SEMA6D: variants seen among roughly 807,000 people sequenced by gnomAD.
The protein encoded by SEMA6D is semaphorin 6D, also known as semaphorin-6D.
Under a neutral mutation model 106.6 loss-of-function variants are expected in SEMA6D, and 35 were observed. That is an observed-to-expected ratio of 0.33 (90% CI 0.25 to 0.44). The LOEUF (loss-of-function observed/expected upper bound fraction) is 0.44. SEMA6D is among the 20% of genes least tolerant of loss of function. SEMA6D has a pLI of 1.00. For synonymous variants in SEMA6D, 499 were observed against 487.7 expected (o/e 1.02, Z -0.31); for missense variants, 1,185 against 1,345.9 (o/e 0.88, Z 1.87).
intron 1 of SEMA6D, among the ~76,000 whole-genome samples, chr15:47,409,623 G>C (rs1479865189): frequency 6.6e-6 from 1 of 152,166 alleles, no homozygotes; most frequent in Non-Finnish European, 1.5e-5. Context: ...AAAATATTCA[G>C]ATTTTTCTAA....
chr15:47,552,891 A>AATATATATATATTTATATAT lies in SEMA6D; in HGVS notation c.-86-47962_-86-47961insTTATATATATATATATATAT, dbSNP rs71118186. On this transcript the variant is annotated intron_variant, in intron 3 of 19. Transcript: ENST00000558014. ...TTTTATATATATATAAATATATATAAATATATATATATATAAATATATATA... is the reference window on the plus strand; with the variant it reads ...TTTTATATATATATAAATATATATAAATATATATATATTTATATATATATATATATATATAAATATATATA... 1.3e-3 allele frequency among the ~76,000 whole-genome samples: 46 copies of AATATATATATATTTATATAT among 35,290 alleles called. 2 individuals carry two copies. The highest frequency in any genetic ancestry group is 3.5e-3 in the South Asian group (5 of 1,414). 23.2% of individuals were successfully genotyped at this position (35,290 alleles called of 152,430 possible).
Position 47,771,847 on chromosome 15 carries a change from G to T in SEMA6D, c.*62G>T. ...TCCGTGTTGTTGAGAGGATGATGTT[G>T]TAAGGGTACCTTAAAACAAGAGACT... On this transcript the variant is annotated 3_prime_UTR_variant, in exon 19 of 19. Transcript: ENST00000536845. 5 of 1,455,018 alleles carry T rather than the reference G, an allele frequency of 3.4e-6. No individual in the cohort carries two copies. The highest frequency in any genetic ancestry group is 2.6e-5 in the South Asian group (2 of 77,058). The allele number at this position is 1,455,018 out of a possible 1,614,324, so 90.1% of individuals were successfully genotyped here. A position where few individuals can be genotyped will look rare whatever the true frequency, so the allele number is the denominator to read the frequency against.
intron 1 of SEMA6D, among the ~76,000 whole-genome samples, chr15:47,218,960 C>G (rs1187808918): frequency 6.6e-6 from 1 of 152,202 alleles, no homozygotes; most frequent in African/African-American, 2.4e-5. Flanking sequence ...CGATTGCTAA[C>G]TAATTGAGGT....
At chr15:47,211,468 C>T (rs917144399) in intron 1 of SEMA6D, among the ~76,000 whole-genome samples, 1 of 152,086 alleles carries the variant, frequency 6.6e-6, no homozygotes, top group Non-Finnish European at 1.5e-5. Flanking sequence ...AGTATATTTC[C>T]AATAATGTAT....
chr15:47,760,964 C>T lies in SEMA6D; in HGVS notation c.222-14C>T, dbSNP rs745688559. On this transcript the variant is annotated splice_polypyrimidine_tract_variant and intron_variant, in intron 3 of 18. Transcript: ENST00000536845. ...GTATTCACGTGATATGTTTTATTGC[C>T]TTATTTCCAACAGGGATCAAGTTTA... is the stretch of plus-strand genomic sequence containing the variant. 4.4e-6 allele frequency: 7 copies of T among 1,608,896 alleles called. No homozygotes were observed. In the Admixed American group the frequency reaches 1.2e-4, roughly 27 times the overall value.
chr15:47,770,123 G>A (rs1262314935), intron 18 of SEMA6D, among the ~76,000 whole-genome samples: 1 of 152,138 alleles, frequency 6.6e-6, no homozygotes, highest in Non-Finnish European at 1.5e-5. Context: ...TGAATTAAGA[G>A]AAAATTATGA....
chr15:47,465,514 AC>A (rs2042631980), intron 2 of SEMA6D, among the ~76,000 whole-genome samples: 1 of 152,146 alleles, frequency 6.6e-6, no homozygotes, highest in African/African-American at 2.4e-5. Flanking sequence ...TTGTGTCCCC[AC>A]CCAAATCTCA....
intron 3 of SEMA6D, among the ~76,000 whole-genome samples, chr15:47,486,058 A>G (rs2043287714): frequency 6.6e-6 from 1 of 152,320 alleles, no homozygotes; most frequent in Non-Finnish European, 1.5e-5. Context: ...TAATAAAGCC[A>G]AAGTCTGCTA....
At chr15:47,349,946 C>G (rs1250856966) in intron 1 of SEMA6D, among the ~76,000 whole-genome samples, 1 of 152,208 alleles carries the variant, frequency 6.6e-6, no homozygotes, top group East Asian at 1.9e-4. Flanking sequence ...AGGAAATTAA[C>G]TAAATGGGGT....
intron 4 of SEMA6D, among the ~76,000 whole-genome samples, chr15:47,676,558 A>G (rs992659066): frequency 2.0e-5 from 3 of 152,268 alleles, no homozygotes; most frequent in South Asian, 2.1e-4. Flanking sequence ...AATTTCTGCA[A>G]TTTTACGAAT....
chr15:47,646,751 A>G (rs1036336413), intron 4 of SEMA6D, among the ~76,000 whole-genome samples: 3 of 152,246 alleles, frequency 2.0e-5, no homozygotes, highest in African/African-American at 7.2e-5. Context: ...TTGTGTGCAT[A>G]GGACTGGATT....
Position 47,771,097 on chromosome 15 carries a change from A to G in SEMA6D, c.2534A>G (p.Asn845Ser), listed in dbSNP as rs1460787661. Residue 845 changes from asparagine to serine, a missense_variant, in exon 19 of 19, where the codon AAT (asparagine) becomes AGT (serine). Asn to Ser is a conservative substitution (Grantham distance 46). Transcript: ENST00000536845. ...HDYNTSFSNSNAHKAEKKLQN... is the reference protein window; with the variant it reads ...HDYNTSFSNSSAHKAEKKLQN... Reference sequence around the variant, plus strand: ...TACAACACGTCTTTCTCAAACTCCAATGCTCACAAAGCTGAAAAGAAGCTT... The same window carrying G: ...TACAACACGTCTTTCTCAAACTCCAGTGCTCACAAAGCTGAAAAGAAGCTT... 67 of 1,614,004 alleles carry G rather than the reference A, an allele frequency of 4.2e-5. No homozygotes were observed. The highest frequency in any genetic ancestry group is 5.0e-5 in the Non-Finnish European group (59 of 1,180,002).
chr15:47,652,082 T>A (rs2077703133), intron 4 of SEMA6D, among the ~76,000 whole-genome samples: 1 of 152,232 alleles, frequency 6.6e-6, no homozygotes, highest in Non-Finnish European at 1.5e-5. Context: ...ATACATAATA[T>A]ACTGTTCTAC....
intron 3 of SEMA6D, among the ~76,000 whole-genome samples, chr15:47,552,502 ATGTGTGTG>A (rs200725273): frequency 8.1e-6 from 1 of 123,412 alleles, no homozygotes; most frequent in Non-Finnish European, 1.7e-5. Flanking sequence ...GTGTATATAT[ATGTGTGTG>A]TGTATATATA....
chr15:47,544,528 A>T (rs2045457253), intron 3 of SEMA6D, among the ~76,000 whole-genome samples: 1 of 152,146 alleles, frequency 6.6e-6, no homozygotes, highest in South Asian at 2.1e-4. Context: ...AAAATATGGA[A>T]GTATTAGTGC....
chr15:47,473,093 G>A (rs1047940890), intron 3 of SEMA6D, among the ~76,000 whole-genome samples: 7 of 152,176 alleles, frequency 4.6e-5, no homozygotes, highest in Admixed American at 2.0e-4. Flanking sequence ...GTCAGTCTGA[G>A]GAAAAGAAAA....
intron 1 of SEMA6D, among the ~76,000 whole-genome samples, chr15:47,406,896 C>T (rs866995912): frequency 2.0e-5 from 3 of 151,722 alleles, no homozygotes; most frequent in African/African-American, 7.3e-5. Context: ...ACATCGTGTA[C>T]CCTAGATATG....
chr15:47,482,486 C>G (rs1445031284), intron 3 of SEMA6D, among the ~76,000 whole-genome samples: 3 of 152,022 alleles, frequency 2.0e-5, no homozygotes, highest in Admixed American at 6.6e-5. Context: ...AGTAGGCAAG[C>G]CTCATGATAC....
chr15:47,762,238 G>A lies in SEMA6D; in HGVS notation c.577G>A (p.Ala193Thr). The change falls in exon 8 of 19, where the codon GCC becomes ACC. Residue 193 changes from alanine (A) to threonine (T), a missense_variant. Physicochemically the swap from Ala to Thr is moderately conservative, Grantham distance 58 (BLOSUM62 0). This residue lies in a region of SEMA6D where 291 missense variants were observed against 423.8 expected (regional missense o/e 0.69). Coordinates refer to ENST00000536845, the MANE Select transcript of SEMA6D (RefSeq NM_001358351.3). ...TTCTGCCACAGTGGCTGACTTCTTG[G>A]CCAGCGATGCCGTTATTTATCGAAG... ...LYSATVADFL[A>T]SDAVIYRSMG... is the part of the protein sequence containing the mutation. 6.2e-7 allele frequency: 1 copy of A among 1,613,576 alleles called. No individual in the cohort carries two copies. Among genetic ancestry groups the A allele is most frequent in the Non-Finnish European group, 8.5e-7 (1 of 1,179,610 alleles).
Sources: allele counts gnomAD v4.1 joint callset (sites outside exome capture counted in the v4.1 genomes callset), GRCh38; gene constraint gnomAD v4.1.1; regional missense constraint gnomAD v4.1.1; transcripts MANE v1.5; gene names NCBI Gene and HGNC (gene_info 2026-07-23, HGNC 2026-07-21).